The following RBM27 variants were observed in gnomAD, a reference collection of about 807,000 sequenced individuals.
RBM27 encodes the protein RNA binding motif protein 27, also known as RNA-binding protein 27.
RBM27 carries 22 observed loss-of-function variants against 135.3 expected under a neutral mutation model. The observed-to-expected ratio is 0.16, with a 90% CI of 0.12 to 0.23. The LOEUF (loss-of-function observed/expected upper bound fraction) is 0.23, where lower values mean the gene tolerates loss of function less well. Ranked by LOEUF, RBM27 falls within the 10% of genes least tolerant of loss-of-function variation. The probability of loss-of-function intolerance (pLI) is 1.00; values close to 1 mark genes in which losing one functional copy is unlikely to be tolerated. For synonymous variants in RBM27, 481 were observed against 442.4 expected (o/e 1.09, Z -1.10); for missense variants, 1,009 against 1,281.0 (o/e 0.79, Z 3.24).
rs2126932794 is a variant in RBM27, at chr5:146,287,024, TC to T, written c.*997del. Reference sequence around the variant, plus strand: ...GAAGAGAATCACCAGCTTTATTTTTTCCCTCTTTTGAAGCTTCAGTTCAGTA... The same window carrying T: ...GAAGAGAATCACCAGCTTTATTTTTTCCTCTTTTGAAGCTTCAGTTCAGTA... On this transcript the variant is annotated 3_prime_UTR_variant, in exon 21 of 21. Transcript: ENST00000265271. 1 of 151,512 alleles carries T rather than the reference TC, an allele frequency of 6.6e-6. No individual in the cohort carries two copies. The highest frequency in any genetic ancestry group is 2.1e-4 in the South Asian group (1 of 4,770). The allele number at this position is 151,512 out of a possible 1,614,324, so 9.4% of individuals were successfully genotyped here. A position where few individuals can be genotyped will look rare whatever the true frequency, so the allele number is the denominator to read the frequency against.
intron 9 of RBM27, among the ~76,000 whole-genome samples, chr5:146,254,619 A>G (rs1758031788): frequency 6.6e-6 from 1 of 152,214 alleles, no homozygotes; most frequent in South Asian, 2.1e-4. Context: ...TTTAAAAACA[A>G]TATCCATAAC....
At chr5:146,255,175 C>A in intron 10 of RBM27, 83 bp downstream of exon 10, 2 of 1,287,116 alleles carry the variant, frequency 1.6e-6, no homozygotes, top group Non-Finnish European at 2.1e-6. Context: ...TCTGGCCTAG[C>A]TTGAGGAAAT....
At chr5:146,226,698 G>C (rs1428229642) in intron 3 of RBM27, among the ~76,000 whole-genome samples, 1 of 151,700 alleles carries the variant, frequency 6.6e-6, no homozygotes, top group Non-Finnish European at 1.5e-5. Flanking sequence ...AGTTTTAAAA[G>C]AACAGTTTTA....
chr5:146,221,068 A>G (rs913375202), intron 2 of RBM27, among the ~76,000 whole-genome samples: 4 of 151,988 alleles, frequency 2.6e-5, no homozygotes, highest in African/African-American at 7.3e-5. Flanking sequence ...AAAACACAAA[A>G]AAATTAGCCG....
At chr5:146,241,020 G>A (rs1029449163) in intron 8 of RBM27, among the ~76,000 whole-genome samples, 3 of 151,868 alleles carry the variant, frequency 2.0e-5, no homozygotes, top group African/African-American at 2.4e-5. Flanking sequence ...ATTTCCCCCC[G>A]AATCAGCTCT....
chr5:146,230,642 T>A lies in RBM27; in HGVS notation c.590-15T>A. 1 of 1,606,290 alleles carries A rather than the reference T, an allele frequency of 6.2e-7. No individual in the cohort carries two copies. The highest frequency in any genetic ancestry group is 8.5e-7 in the Non-Finnish European group (1 of 1,175,686). ...GATCTCTTTGTTTTCTGTTTTTAAT[T>A]TTGTCTCCAAGTAGAGCACAGGGAA... On this transcript the variant is annotated splice_polypyrimidine_tract_variant and intron_variant, in intron 5 of 20. Coordinates refer to ENST00000265271, the MANE Select transcript of RBM27 (RefSeq NM_018989.2).
chr5:146,256,643 T>C (rs1338773674), intron 10 of RBM27, among the ~76,000 whole-genome samples: 1 of 152,108 alleles, frequency 6.6e-6, no homozygotes, highest in Non-Finnish European at 1.5e-5. Flanking sequence ...CATGAGCCAC[T>C]GCACCCAGCC....
At chr5:146,218,302 G>C (rs1274977396) in intron 1 of RBM27, among the ~76,000 whole-genome samples, 1 of 152,068 alleles carries the variant, frequency 6.6e-6, no homozygotes, top group Non-Finnish European at 1.5e-5. Flanking sequence ...TATCAGTGTT[G>C]GATTACTTAC....
intron 8 of RBM27, among the ~76,000 whole-genome samples, chr5:146,251,416 A>G (rs918842623): frequency 6.6e-6 from 1 of 152,204 alleles, no homozygotes; most frequent in African/African-American, 2.4e-5. Flanking sequence ...GATATGGTTC[A>G]CTGTTCAGCT....
intron 10 of RBM27, 43 bp from the exon 11 acceptor site, chr5:146,258,406 G>C: frequency 6.8e-7 from 1 of 1,462,808 alleles, no homozygotes; most frequent in Non-Finnish European, 9.1e-7. Context: ...TAATCATTGA[G>C]ACTCCTGAAA....
intron 3 of RBM27, among the ~76,000 whole-genome samples, chr5:146,226,265 G>A (rs1756673890): frequency 6.6e-6 from 1 of 151,904 alleles, no homozygotes; most frequent in Non-Finnish European, 1.5e-5. Context: ...TTTTTTATAA[G>A]TTAAAATTTT....
rs761239201 is a variant in RBM27, at chr5:146,244,038, T to TA, written c.1279+6615dup. ...TTACAGTATATTTTGCTATTACAGCTAAAAAAAAACCCCAGGTAACAAAGG... is the reference window on the plus strand; with the variant it reads ...TTACAGTATATTTTGCTATTACAGCTAAAAAAAAAACCCCAGGTAACAAAGG... On this transcript the variant is annotated intron_variant, in intron 8 of 20. Coordinates refer to ENST00000265271, the MANE Select transcript of RBM27 (RefSeq NM_018989.2). Among the ~76,000 whole-genome samples, 272 of 151,010 alleles carry TA rather than the reference T, an allele frequency of 1.8e-3. 1 individual carries two copies. The highest frequency in any genetic ancestry group is 0.014 in the Middle Eastern group (4 of 294).
intron 1 of RBM27, among the ~76,000 whole-genome samples, chr5:146,207,085 C>T (rs991841524): frequency 6.6e-6 from 1 of 152,064 alleles, no homozygotes; most frequent in Admixed American, 6.6e-5. Context: ...TTTGCATATT[C>T]CAGATTCAAG....
chr5:146,269,072 T>G, intron 15 of RBM27, 135 bp from the exon 16 acceptor site: 2 of 542,990 alleles, frequency 3.7e-6, no homozygotes, highest in Non-Finnish European at 6.6e-6. Flanking sequence ...GGAAAATATA[T>G]TCAAAGGTTT....
At chr5:146,250,791 T>G (rs1757850895) in intron 8 of RBM27, among the ~76,000 whole-genome samples, 1 of 144,088 alleles carries the variant, frequency 6.9e-6, no homozygotes, top group Admixed American at 6.9e-5. Context: ...TTTTTTTTTT[T>G]TTTGAGACAG....
At position 146,263,518 on chromosome 5, in the gene RBM27, G is replaced by C. The variant is rs1758483235; in HGVS notation, c.2218G>C (p.Ala740Pro). The change falls in exon 14 of 21, where the codon GCA becomes CCA. Residue 740 changes from alanine (A) to proline (P), a missense_variant. Around this residue, in one of 6 missense-constraint regions of RBM27, gnomAD observed 355 missense variants for 427.3 expected, o/e 0.83. Coordinates refer to ENST00000265271, the MANE Select transcript of RBM27 (RefSeq NM_018989.2). ...GATGAGCAAACCACAGACATCAGGT[G>C]CATATGTTCTTAACAAAGTTCCTGT... ...KMMSKPQTSG[A>P]YVLNKVPVKH... 2 of 1,613,954 alleles carry C rather than the reference G, an allele frequency of 1.2e-6. No individual in the cohort carries two copies. The highest frequency in any genetic ancestry group is 1.3e-5 in the African/African-American group (1 of 74,908).
At chr5:146,263,670 T>G (rs1354114259) in intron 14 of RBM27, 39 bp downstream of exon 14, 1 of 1,601,062 alleles carries the variant, frequency 6.2e-7, no homozygotes, top group Admixed American at 1.7e-5. Context: ...TTTAGAATCA[T>G]TCAGTGAATT....
intron 1 of RBM27, among the ~76,000 whole-genome samples, chr5:146,204,812 C>A (rs1323827332): frequency 6.6e-6 from 1 of 152,094 alleles, no homozygotes; most frequent in Non-Finnish European, 1.5e-5. Context: ...AATGAGAGAC[C>A]TGTCTTTTAA....
intron 1 of RBM27, among the ~76,000 whole-genome samples, chr5:146,207,979 C>T (rs549479926): frequency 1.1e-3 from 80 of 71,112 alleles, no homozygotes; most frequent in African/African-American, 4.5e-3. Flanking sequence ...TTTTTTAAGA[C>T]GGAGTCTTGC....
Sources: allele counts gnomAD v4.1 joint callset (sites outside exome capture counted in the v4.1 genomes callset), GRCh38; gene constraint gnomAD v4.1.1; regional missense constraint gnomAD v4.1.1; transcripts MANE v1.5; gene names NCBI Gene and HGNC (gene_info 2026-07-23, HGNC 2026-07-21).